Variants in WDPCP observed in about 807,000 individuals in gnomAD.
WDPCP encodes WD repeat-containing and planar cell polarity effector protein fritz homolog.
A neutral mutation model predicts 93.1 loss-of-function variants in WDPCP; 71 were observed. The observed-to-expected ratio is 0.76, with a 90% CI of 0.63 to 0.93. The LOEUF is 0.93. WDPCP is among the 40% of genes least tolerant of loss of function. WDPCP has a pLI of 0.00. For synonymous variants in WDPCP, 315 were observed against 315.0 expected (o/e 1.00, Z 0.00); for missense variants, 844 against 887.4 (o/e 0.95, Z 0.62).
At chr2:63,536,773 C>CTTTTTTTTTTTTTTTTTTTT (rs58661370) in intron 1 of WDPCP, among the ~76,000 whole-genome samples, 5 of 93,636 alleles carry the variant, frequency 5.3e-5, no homozygotes, top group African/African-American at 9.0e-5. Flanking sequence ...ATTCTTCATG[C>CTTTTTTTTTTTTTTTTTTTT]TTTTTTTTTT....
intron 17 of WDPCP, among the ~76,000 whole-genome samples, chr2:63,149,349 T>C (rs1671744039): frequency 6.6e-6 from 1 of 152,190 alleles, no homozygotes; most frequent in Admixed American, 6.5e-5. Context: ...TGGCAAACAT[T>C]TAAAAACCTG....
rs1372881469 is a variant in WDPCP at position 63,776,662 on chromosome 2, A to G, written n.308+36960T>C. On this transcript the variant is annotated intron_variant and non_coding_transcript_variant, in intron 2 of 4. Coordinates refer to the WDPCP transcript ENST00000467687. ...CAGAGTGAGGCCCTGTCTCAAAAAA[A>G]AAAAAAAAAAAAAAAAGATATAAAG... 2.6e-5 allele frequency among the ~76,000 whole-genome samples: 4 copies of G among 151,348 alleles called. No individual in the cohort carries two copies. In the East Asian group the frequency reaches 7.7e-4, roughly 29 times the overall value.
At chr2:63,643,219 C>G (rs1710002967) in intron 3 of WDPCP, 1 of 228,506 alleles carries the variant, frequency 4.4e-6, no homozygotes, top group Non-Finnish European at 8.7e-6. Context: ...GCTATATTAT[C>G]TTTAATTAAG....
intron 10 of WDPCP, among the ~76,000 whole-genome samples, chr2:63,399,023 C>T (rs759240610): frequency 1.5e-4 from 23 of 151,870 alleles, no homozygotes; most frequent in Non-Finnish European, 2.1e-4. Flanking sequence ...TCTACTCTTC[C>T]GAGGAAAAAT....
At chr2:63,425,253 A>G (rs1168476325) in intron 9 of WDPCP, among the ~76,000 whole-genome samples, 1 of 152,220 alleles carries the variant, frequency 6.6e-6, no homozygotes, top group Non-Finnish European at 1.5e-5. Flanking sequence ...GCAAATCCAA[A>G]AAGACAATAC....
chr2:63,216,619 T>G (rs961408243), intron 14 of WDPCP, among the ~76,000 whole-genome samples: 1 of 151,820 alleles, frequency 6.6e-6, no homozygotes, highest in African/African-American at 2.4e-5. Context: ...AATGATGAGT[T>G]AATGGGTGCA....
chr2:63,484,768 A>G (rs1464110401), intron 5 of WDPCP, 105 bp from the exon 6 acceptor site: 1 of 1,524,610 alleles, frequency 6.6e-7, no homozygotes, highest in Non-Finnish European at 9.0e-7. Flanking sequence ...CATGCCACAC[A>G]AAGATCCAAC....
chr2:63,581,652 A>G (rs767045405), intron 1 of WDPCP, among the ~76,000 whole-genome samples: 17 of 152,204 alleles, frequency 1.1e-4, no homozygotes, highest in Non-Finnish European at 2.1e-4. Flanking sequence ...AAAGAATTAA[A>G]CTAATTTCAA....
intron 1 of WDPCP, among the ~76,000 whole-genome samples, chr2:63,534,773 T>G (rs767230992): frequency 7.5e-4 from 114 of 152,146 alleles, no homozygotes; most frequent in Non-Finnish European, 1.2e-3. Flanking sequence ...GGGCAAAAAC[T>G]GGAAGCATTC....
chr2:63,166,612 C>T (rs747448916), intron 15 of WDPCP, among the ~76,000 whole-genome samples: 10 of 151,838 alleles, frequency 6.6e-5, no homozygotes, highest in South Asian at 2.1e-4. Context: ...GAGCTGGTCT[C>T]GAACTCCTGG....
intron 1 of WDPCP, among the ~76,000 whole-genome samples, chr2:63,579,795 T>C (rs898292696): frequency 2.0e-5 from 3 of 152,068 alleles, no homozygotes; most frequent in African/African-American, 7.2e-5. Flanking sequence ...ACAGACAAGA[T>C]AGATAATGCT....
At chr2:63,150,769 G>C (rs1441207085) in intron 17 of WDPCP, among the ~76,000 whole-genome samples, 1 of 152,092 alleles carries the variant, frequency 6.6e-6, no homozygotes, top group African/African-American at 2.4e-5. Context: ...AATTGGTTGA[G>C]AAAAAAGTTG....
intron 1 of WDPCP, among the ~76,000 whole-genome samples, chr2:63,532,501 A>G (rs1462430410): frequency 6.6e-6 from 1 of 152,256 alleles, no homozygotes; most frequent in Non-Finnish European, 1.5e-5. Flanking sequence ...TCAGATTAAC[A>G]GCGGATCTCT....
chr2:63,758,181 A>T (rs1441082001), intron 2 of WDPCP, among the ~76,000 whole-genome samples: 1 of 151,856 alleles, frequency 6.6e-6, no homozygotes, highest in African/African-American at 2.4e-5. Context: ...AAAGTCAACC[A>T]TCTCAACTCA....
At chr2:63,333,848 A>C (rs1272230356) in intron 12 of WDPCP, among the ~76,000 whole-genome samples, 2 of 152,214 alleles carry the variant, frequency 1.3e-5, no homozygotes, top group Non-Finnish European at 2.9e-5. Context: ...AAATCTCTTA[A>C]AATATTTTAC....
At chr2:63,753,840 T>C (rs2103891854) in intron 2 of WDPCP, among the ~76,000 whole-genome samples, 1 of 152,278 alleles carries the variant, frequency 6.6e-6, no homozygotes, top group African/African-American at 2.4e-5. Flanking sequence ...TGGAAGTACC[T>C]GAGAAGAGGA....
intron 2 of WDPCP, among the ~76,000 whole-genome samples, chr2:63,680,762 C>T (rs532034022): frequency 6.6e-6 from 1 of 152,260 alleles, no homozygotes; most frequent in East Asian, 1.9e-4. Flanking sequence ...CAGCAAAGCT[C>T]ACAGCAACAA....
chr2:63,214,152 T>C (rs1466476071), intron 14 of WDPCP, among the ~76,000 whole-genome samples: 1 of 152,176 alleles, frequency 6.6e-6, no homozygotes, highest in Non-Finnish European at 1.5e-5. Context: ...TACCAAAGCC[T>C]GGCAGAGACA....
At chr2:63,574,356 C>A (rs1451433494) in intron 1 of WDPCP, among the ~76,000 whole-genome samples, 1 of 152,154 alleles carries the variant, frequency 6.6e-6, no homozygotes, top group African/African-American at 2.4e-5. Context: ...TAGAAAAGAA[C>A]CTACGTGAAA....
Sources: allele counts gnomAD v4.1 joint callset (sites outside exome capture counted in the v4.1 genomes callset), GRCh38; gene constraint gnomAD v4.1.1; transcripts MANE v1.5; gene names NCBI Gene and HGNC (gene_info 2026-07-23, HGNC 2026-07-21).